Variants in LDAH observed in about 807,000 individuals in gnomAD.
LDAH encodes the protein lipid droplet-associated hydrolase.
A neutral mutation model predicts 29.6 loss-of-function variants in LDAH; 26 were observed. The observed-to-expected ratio is 0.88, with a 90% CI of 0.64 to 1.22. The LOEUF is 1.22. LDAH is among the 50% of genes most tolerant of loss of function. The pLI is 0.00. For missense variants in LDAH, 344 were observed against 387.3 expected (o/e 0.89, Z 0.94); for synonymous variants, 117 against 133.0 (o/e 0.88, Z 0.83).
chr2:20,710,208 A>C (rs1054863570), intron 5 of LDAH, among the ~76,000 whole-genome samples: 2 of 152,206 alleles, frequency 1.3e-5, no homozygotes, highest in Non-Finnish European at 2.9e-5. Context: ...GTGAGAAGAC[A>C]AAAGATATTA....
chr2:20,776,788 T>G (rs528701839), intron 3 of LDAH, among the ~76,000 whole-genome samples: 1 of 152,330 alleles, frequency 6.6e-6, no homozygotes, highest in East Asian at 1.9e-4. Context: ...TTCTTTGATA[T>G]AAAAAACCAC....
At chr2:20,807,881 T>A (rs904391293) in intron 1 of LDAH, among the ~76,000 whole-genome samples, 5 of 150,432 alleles carry the variant, frequency 3.3e-5, no homozygotes, top group African/African-American at 4.9e-5. Context: ...ATATTTAGAT[T>A]GGATAGGAAG....
chr2:20,710,640 A>G (rs1558399342), intron 5 of LDAH, among the ~76,000 whole-genome samples: 1 of 98,788 alleles, frequency 1.0e-5, no homozygotes, highest in Admixed American at 1.2e-4. Flanking sequence ...ATATAGATAT[A>G]TAGTATACAT....
chr2:20,795,910 C>T (rs562839437), intron 2 of LDAH, among the ~76,000 whole-genome samples: 63 of 150,426 alleles, frequency 4.2e-4, no homozygotes, highest in Middle Eastern at 3.4e-3. Flanking sequence ...CTGATTATTA[C>T]CACAGTGTAA....
intron 5 of LDAH, among the ~76,000 whole-genome samples, chr2:20,716,459 G>A (rs1451142992): frequency 6.6e-6 from 1 of 151,272 alleles, no homozygotes. Context: ...CCATCATTCC[G>A]AGCAAACTAT....
chr2:20,721,831 T>C (rs1315657531), intron 5 of LDAH, among the ~76,000 whole-genome samples: 1 of 152,202 alleles, frequency 6.6e-6, no homozygotes, highest in African/African-American at 2.4e-5. Context: ...CAAAGAGGTA[T>C]CTGCATTCCC....
chr2:20,752,772 C>T (rs1668055044), intron 4 of LDAH, among the ~76,000 whole-genome samples: 1 of 152,214 alleles, frequency 6.6e-6, no homozygotes, highest in Non-Finnish European at 1.5e-5. Context: ...CCTGGCTGCA[C>T]TGTGTCAAGA....
chr2:20,702,895 C>A (rs115481716), intron 5 of LDAH, among the ~76,000 whole-genome samples: 3 of 152,212 alleles, frequency 2.0e-5, no homozygotes, highest in Non-Finnish European at 2.9e-5. Flanking sequence ...GGCAATGGCA[C>A]GATCGTGGCT....
At chr2:20,758,825 T>A (rs1158287846) in intron 4 of LDAH, among the ~76,000 whole-genome samples, 1 of 152,038 alleles carries the variant, frequency 6.6e-6, no homozygotes, top group Non-Finnish European at 1.5e-5. Context: ...AATGAGAAAT[T>A]ATAAAGTCAG....
At chr2:20,694,903 C>T (rs1166535613) in intron 6 of LDAH, among the ~76,000 whole-genome samples, 1 of 152,266 alleles carries the variant, frequency 6.6e-6, no homozygotes, top group African/African-American at 2.4e-5. Context: ...TGGCTTGTCT[C>T]TTTCTCACGT....
intron 3 of LDAH, among the ~76,000 whole-genome samples, chr2:20,784,049 CT>C (rs1368537624): frequency 6.6e-6 from 1 of 152,170 alleles, no homozygotes; most frequent in East Asian, 1.9e-4. Context: ...ATAGTTGGAT[CT>C]CCCCCTACCA....
chr2:20,710,570 CTA>C (rs890356689), intron 5 of LDAH, among the ~76,000 whole-genome samples: 2 of 140,500 alleles, frequency 1.4e-5, no homozygotes, highest in Non-Finnish European at 3.1e-5. Flanking sequence ...TCACCCCGGA[CTA>C]TATATATATA....
intron 5 of LDAH, among the ~76,000 whole-genome samples, chr2:20,736,088 A>G (rs2149432976): frequency 6.6e-6 from 1 of 152,278 alleles, no homozygotes; most frequent in South Asian, 2.1e-4. Flanking sequence ...TGCAGGCATG[A>G]CTGGAAATGG....
chr2:20,747,297 A>T, intron 4 of LDAH, among the ~76,000 whole-genome samples: 1 of 152,152 alleles, frequency 6.6e-6, no homozygotes, highest in East Asian at 1.9e-4. Flanking sequence ...CATCTTCAAA[A>T]AAACATTATC....
intron 6 of LDAH, among the ~76,000 whole-genome samples, chr2:20,691,023 T>G (rs1309124826): frequency 2.0e-5 from 3 of 152,146 alleles, no homozygotes; most frequent in Non-Finnish European, 2.9e-5. Context: ...ACAGACAACA[T>G]TCCTAACTTG....
intron 5 of LDAH, among the ~76,000 whole-genome samples, chr2:20,735,120 T>C (rs1309105359): frequency 2.6e-5 from 4 of 152,178 alleles, no homozygotes; most frequent in African/African-American, 4.8e-5. Flanking sequence ...TTGGGTTTAT[T>C]CTGTTTTAAA....
chr2:20,815,961 A>G (rs1014924855), intron 1 of LDAH, among the ~76,000 whole-genome samples: 1 of 152,116 alleles, frequency 6.6e-6, no homozygotes, highest in African/African-American at 2.4e-5. Flanking sequence ...TTCAAGGTGT[A>G]TAGAGAAAAT....
chr2:20,698,516 T>C lies in LDAH; in HGVS notation c.786+3054A>G, dbSNP rs1663666075. On this transcript the variant is annotated intron_variant, in intron 6 of 6. Coordinates refer to ENST00000237822, the MANE Select transcript of LDAH (RefSeq NM_021925.4). The surrounding 1 kb of genome is among the most constrained non-coding windows in gnomAD (Gnocchi z 4.4). ...CAGCCTGACCAACATGGTGAAACCC[T>C]GTCTCTAGTAAAAATTAGCTGGGTA... is the stretch of plus-strand genomic sequence containing the variant. Among the ~76,000 whole-genome samples, 1 of 152,082 alleles carries C rather than the reference T, an allele frequency of 6.6e-6. No homozygotes were observed. Among genetic ancestry groups the C allele is most frequent in the Non-Finnish European group, 1.5e-5 (1 of 68,006 alleles).
intron 5 of LDAH, among the ~76,000 whole-genome samples, chr2:20,712,124 G>T (rs887733705): frequency 6.6e-6 from 1 of 151,970 alleles, no homozygotes; most frequent in Non-Finnish European, 1.5e-5. Context: ...ACACCTCCCA[G>T]TAGAGGCCAG....
Sources: allele counts gnomAD v4.1 joint callset (sites outside exome capture counted in the v4.1 genomes callset), GRCh38; gene constraint gnomAD v4.1.1; non-coding constraint Gnocchi (gnomAD v3.1); transcripts MANE v1.5; gene names NCBI Gene and HGNC (gene_info 2026-07-23, HGNC 2026-07-21).